TET2: variants seen among roughly 807,000 people sequenced by gnomAD.
The protein encoded by TET2 is methylcytosine dioxygenase TET2.
A neutral mutation model predicts 142.9 loss-of-function variants in TET2; 299 were observed. The observed-to-expected ratio is 2.09, with a 90% CI of 1.90 to 2.30. The LOEUF is 2.30. Ranked by LOEUF, TET2 falls within the 30% of genes most tolerant of loss-of-function variation. The probability of loss-of-function intolerance (pLI) is 0.00; values close to 1 mark genes in which losing one functional copy is unlikely to be tolerated. For synonymous variants in TET2, 819 were observed against 849.0 expected (o/e 0.96, Z 0.61); for missense variants, 2,418 against 2,378.0 (o/e 1.02, Z -0.35).
chr4:105,216,170 G>A (rs1333634630), intron 2 of TET2, among the ~76,000 whole-genome samples: 1 of 152,112 alleles, frequency 6.6e-6, no homozygotes, highest in Non-Finnish European at 1.5e-5. Flanking sequence ...TAGTATTTCT[G>A]GGGGAGGTAG....
At position 105,236,862 on chromosome 4, in the gene TET2, C is replaced by T; in HGVS notation, c.2920C>T (p.His974Tyr). 1 of 1,614,106 alleles carries T rather than the reference C, an allele frequency of 6.2e-7. No homozygotes were observed. Among genetic ancestry groups the T allele is most frequent in the Non-Finnish European group, 8.5e-7 (1 of 1,180,014 alleles). ...QTQQPQTESC[H>Y]SQMHRPIKVE... ...ACAGCAACCCCAAACTGAGTCTTGCCATAGTCAGATGCACAGGCCAATTAA... is the reference window on the plus strand; with the variant it reads ...ACAGCAACCCCAAACTGAGTCTTGCTATAGTCAGATGCACAGGCCAATTAA... The change falls in exon 3 of 11, where the codon CAT (histidine) becomes TAT (tyrosine). Residue 974 changes from histidine to tyrosine, a missense_variant. Coordinates refer to ENST00000380013, the MANE Select transcript of TET2 (RefSeq NM_001127208.3).
chr4:105,203,048 T>G (rs10017522), intron 2 of TET2, among the ~76,000 whole-genome samples: 13,045 of 152,304 alleles, frequency 0.086, 1,626 homozygotes, highest in African/African-American at 0.27. Context: ...CTTATTCTTA[T>G]TTTGATTCCT....
chr4:105,275,639 C>CA lies in TET2; in HGVS notation c.5129_5130insA (p.Ile1711HisfsTer2), dbSNP rs1174881776. ...CAGGGAGATGGTTTCAGCAGTTGTA[C>CA]CATTAGACCAAATGTACATCATGTA... On this transcript the variant is annotated frameshift_variant, in exon 11 of 11. Transcript: ENST00000380013. LOFTEE classifies it low-confidence loss of function (END_TRUNC). The CA allele has an allele frequency of 6.4e-7, 1 of 1,551,924 alleles. No individual in the cohort carries two copies.
At chr4:105,155,549 TG>T (rs1170824220) in intron 1 of TET2, among the ~76,000 whole-genome samples, 1 of 152,232 alleles carries the variant, frequency 6.6e-6, no homozygotes, top group Non-Finnish European at 1.5e-5. Flanking sequence ...GTGAATTACT[TG>T]GGGTTGATTG....
At chr4:105,202,997 A>G (rs756351846) in intron 2 of TET2, among the ~76,000 whole-genome samples, 23 of 152,254 alleles carry the variant, frequency 1.5e-4, no homozygotes, top group Non-Finnish European at 3.1e-4. Context: ...TAAATGTCTT[A>G]AGAAATGTCA....
In TET2 at chr4:105,276,127, ATT is replaced by A; in HGVS notation, c.5618_5619del (p.Ile1873ArgfsTer6). ...AVAPTHGSILIECAKRELHAT... is the reference protein window; with the variant it reads ...AVAPTHGSILXECAKRELHAT... The stretch of plus-strand genomic sequence containing the variant: ...GGCTCCAACTCATGGGTCAATTCTC[ATT>A]GAGTGTGCAAAGCGTGAGCTGCATG... On this transcript the variant is annotated frameshift_variant, in exon 11 of 11. Coordinates refer to ENST00000380013, the MANE Select transcript of TET2 (RefSeq NM_001127208.3). LOFTEE classifies it high-confidence loss of function. 6.4e-7 allele frequency: 1 copy of A among 1,550,966 alleles called. No homozygotes were observed. The highest frequency in any genetic ancestry group is 8.7e-7 in the Non-Finnish European group (1 of 1,146,352).
chr4:105,247,351 C>T (rs1390736284), intron 6 of TET2, among the ~76,000 whole-genome samples: 1 of 151,448 alleles, frequency 6.6e-6, no homozygotes, highest in Non-Finnish European at 1.5e-5. Context: ...AGAAAACACA[C>T]ACATAAACAA....
intron 2 of TET2, among the ~76,000 whole-genome samples, chr4:105,216,791 A>G (rs1455309699): frequency 1.3e-5 from 2 of 152,106 alleles, no homozygotes; most frequent in Admixed American, 6.6e-5. Flanking sequence ...TAGCGGATTT[A>G]GTTATAATCG....
chr4:105,206,312 G>A (rs981291697), intron 2 of TET2, among the ~76,000 whole-genome samples: 8 of 152,202 alleles, frequency 5.3e-5, no homozygotes, highest in African/African-American at 1.2e-4. Flanking sequence ...AGCCTCCTTC[G>A]CCTTTAGTCC....
At chr4:105,175,134 C>T (rs1204311685) in intron 1 of TET2, among the ~76,000 whole-genome samples, 1 of 152,110 alleles carries the variant, frequency 6.6e-6, no homozygotes, top group Non-Finnish European at 1.5e-5. Flanking sequence ...AGCCTATTTG[C>T]AGCAGTTTCT....
At position 105,237,268 on chromosome 4, in the gene TET2, C is replaced by T. The variant is rs1441492512; in HGVS notation, c.3326C>T (p.Ser1109Phe). The T allele has an allele frequency of 9.3e-6, 15 of 1,613,990 alleles. No homozygotes were observed. The highest frequency in any genetic ancestry group is 1.2e-5 in the Non-Finnish European group (14 of 1,180,002). Residue 1109 changes from serine to phenylalanine, a missense_variant, in exon 3 of 11, where the codon TCC becomes TTC. Physicochemically the swap from Ser to Phe is radical, Grantham distance 155. Transcript: ENST00000380013. ...SVLNNFIESPSKLLDTPIKNL... is the reference protein window; with the variant it reads ...SVLNNFIESPFKLLDTPIKNL... ...CTCAATAATTTTATAGAGTCACCTT[C>T]CAAATTACTAGATACTCCTATAAAA...
intron 2 of TET2, among the ~76,000 whole-genome samples, chr4:105,201,750 TTTTTTTTTC>T (rs1726484386): frequency 7.1e-6 from 1 of 141,136 alleles, no homozygotes. Flanking sequence ...TTTTTTTTTT[TTTTTTTTTC>T]AGACAGGGTT....
intron 2 of TET2, among the ~76,000 whole-genome samples, chr4:105,225,732 GAGTGAGGATTCAACTCAGTGCAGC>G (rs1465922549): frequency 6.6e-6 from 1 of 152,154 alleles, no homozygotes; most frequent in Non-Finnish European, 1.5e-5. Context: ...CAACTGCACT[GAGTGAGGATTCAACTCAGTGCAGC>G]AGGACTGAAA....
At chr4:105,249,145 A>G (rs1252751359) in intron 6 of TET2, among the ~76,000 whole-genome samples, 1 of 151,840 alleles carries the variant, frequency 6.6e-6, no homozygotes, top group Non-Finnish European at 1.5e-5. Context: ...CTCATGCCTC[A>G]GCCCCCAAGT....
intron 6 of TET2, among the ~76,000 whole-genome samples, chr4:105,244,586 G>GTA (rs1729487163): frequency 1.5e-5 from 1 of 66,696 alleles, no homozygotes; most frequent in Non-Finnish European, 3.4e-5. Context: ...ACACAGAAAT[G>GTA]TTTTTTTTTT....
intron 2 of TET2, among the ~76,000 whole-genome samples, chr4:105,217,719 C>CT (rs1309001959): frequency 6.6e-6 from 1 of 151,914 alleles, no homozygotes; most frequent in Non-Finnish European, 1.5e-5. Context: ...GCTGGTTCTC[C>CT]TTTTTTAAAA....
At chr4:105,163,854 A>AGAGAGAGAGAGAGAGAGAGTGT (rs1553942671) in intron 1 of TET2, among the ~76,000 whole-genome samples, 4 of 85,238 alleles carry the variant, frequency 4.7e-5, no homozygotes, top group Admixed American at 1.3e-4. Context: ...AGAGAGAGAG[A>AGAGAGAGAGAGAGAGAGAGTGT]GTGTGTGTGT....
chr4:105,169,205 T>C (rs1724320559), intron 1 of TET2, among the ~76,000 whole-genome samples: 1 of 152,192 alleles, frequency 6.6e-6, no homozygotes, highest in Non-Finnish European at 1.5e-5. Flanking sequence ...CCACCAGCAG[T>C]GTAGAAGTGT....
chr4:105,232,757 A>C (rs1394032639), intron 2 of TET2, among the ~76,000 whole-genome samples: 1 of 152,244 alleles, frequency 6.6e-6, no homozygotes, highest in East Asian at 1.9e-4. Flanking sequence ...GGGGGGAAGA[A>C]AACATTTAAA....
Sources: allele counts gnomAD v4.1 joint callset (sites outside exome capture counted in the v4.1 genomes callset), GRCh38; gene constraint gnomAD v4.1.1; transcripts MANE v1.5; gene names NCBI Gene and HGNC (gene_info 2026-07-23, HGNC 2026-07-21).